Variants in NAP1L4 observed in about 807,000 individuals in gnomAD.
NAP1L4 encodes nucleosome assembly protein 1 like 4.
A neutral mutation model predicts 58.2 loss-of-function variants in NAP1L4; 15 were observed. The ratio of observed to expected loss-of-function variants is 0.26; its 90% CI spans 0.17 to 0.40. NAP1L4 has a LOEUF of 0.40. Among genes scored for constraint, NAP1L4 ranks in the 10% least tolerant of loss-of-function variants. The pLI is 1.00. For missense variants in NAP1L4, 384 were observed against 451.1 expected (o/e 0.85, Z 1.35); for synonymous variants, 171 against 155.6 (o/e 1.10, Z -0.74).
Position 2,951,374 on chromosome 11 carries a change from A to G in NAP1L4, c.1066-59T>C. 1 of 1,464,406 alleles carries G rather than the reference A, an allele frequency of 6.8e-7. No individual in the cohort carries two copies. Among genetic ancestry groups the G allele is most frequent in the African/African-American group, 1.4e-5 (1 of 72,018 alleles). The allele number at this position is 1,464,406 out of a possible 1,614,324, so 90.7% of individuals were successfully genotyped here. A position where few individuals can be genotyped will look rare whatever the true frequency, so the allele number is the denominator to read the frequency against. ...CAAGATTTAAACTCTTGTGGCATTC[A>G]CAATCCACAAACACAAGGAGCAAAA... On this transcript the variant is annotated intron_variant, in intron 13 of 15. Coordinates refer to ENST00000380542, the MANE Select transcript of NAP1L4 (RefSeq NM_005969.4). This position sits in a 1 kb window ranked among gnomAD's most constrained non-coding sequence, Gnocchi z 4.0.
chr11:2,972,368 T>C (rs1168688421), intron 4 of NAP1L4, 125 bp from the exon 5 acceptor site: 1 of 751,180 alleles, frequency 1.3e-6, no homozygotes, highest in Non-Finnish European at 1.9e-6. Flanking sequence ...ACAAGACCTC[T>C]TAAAAATTAA....
chr11:2,988,819 T>C (rs539934957), intron 1 of NAP1L4, among the ~76,000 whole-genome samples: 1 of 152,284 alleles, frequency 6.6e-6, no homozygotes, highest in Admixed American at 6.5e-5. Context: ...AATCAAAAAG[T>C]AAAGATCACA....
chr11:2,951,870 C>T lies in NAP1L4; in HGVS notation c.1036-61G>A, dbSNP rs574588834. On this transcript the variant is annotated intron_variant, in intron 12 of 15. Coordinates refer to ENST00000380542, the MANE Select transcript of NAP1L4 (RefSeq NM_005969.4). This position sits in a 1 kb window ranked among gnomAD's most constrained non-coding sequence, Gnocchi z 4.0. ...AAACATGACAGCAGCCTGCCCAAGA[C>T]ACCAGTCCCATCAAGTGACTCACTG... 1.3e-6 allele frequency: 2 copies of T among 1,517,228 alleles called. No homozygotes were observed. Among genetic ancestry groups the T allele is most frequent in the Non-Finnish European group, 1.8e-6 (2 of 1,094,316 alleles). 94.0% of individuals were successfully genotyped at this position (1,517,228 alleles called of 1,614,324 possible).
chr11:2,978,641 C>A (rs1848115055), intron 2 of NAP1L4, among the ~76,000 whole-genome samples: 1 of 152,192 alleles, frequency 6.6e-6, no homozygotes, highest in Non-Finnish European at 1.5e-5. Flanking sequence ...CTCAAAAAAT[C>A]TGCTCCCAGC....
At chr11:2,978,149 A>AT in intron 3 of NAP1L4, 135 bp downstream of exon 3, 1 of 763,996 alleles carries the variant, frequency 1.3e-6, no homozygotes. Flanking sequence ...TGAGATACTG[A>AT]TTTTTCATTT....
At chr11:2,991,586 C>CTGAG (rs1409434974) in intron 1 of NAP1L4, among the ~76,000 whole-genome samples, 3 of 152,160 alleles carry the variant, frequency 2.0e-5, no homozygotes, top group Non-Finnish European at 4.4e-5. Flanking sequence ...GCGCACGCCG[C>CTGAG]CCAGCTCGCT....
At chr11:2,979,863 T>C (rs530617696) in intron 1 of NAP1L4, among the ~76,000 whole-genome samples, 1 of 152,234 alleles carries the variant, frequency 6.6e-6, no homozygotes, top group Non-Finnish European at 1.5e-5. Context: ...CCTTATTTTT[T>C]ATAATACATT....
In NAP1L4 at chr11:2,961,223, T is replaced by G. The variant is rs190674252; in HGVS notation, c.607-1314A>C. On this transcript the variant is annotated intron_variant, in intron 8 of 15. Coordinates refer to ENST00000380542, the MANE Select transcript of NAP1L4 (RefSeq NM_005969.4). ...CAAAGGAGAAGTGAAAAAACAACTT[T>G]CAAAGAAAGGTGGAGGAGGAGGCGG... is the stretch of plus-strand genomic sequence containing the variant. 8.2e-4 allele frequency among the ~76,000 whole-genome samples: 125 copies of G among 152,176 alleles called. 3 individuals carry two copies. The highest frequency in any genetic ancestry group is 6.4e-3 in the Admixed American group (98 of 15,288).
At chr11:2,977,997 T>A (rs892983281) in intron 3 of NAP1L4, among the ~76,000 whole-genome samples, 5 of 152,040 alleles carry the variant, frequency 3.3e-5, no homozygotes, top group African/African-American at 1.2e-4. Flanking sequence ...CAAGGCTCCA[T>A]CTCAAAAATA....
Position 2,945,534 on chromosome 11 carries a change from G to A in NAP1L4, c.*145C>T. 2.3e-6 allele frequency: 3 copies of A among 1,311,004 alleles called. No individual in the cohort carries two copies. The highest frequency in any genetic ancestry group is 2.1e-6 in the Non-Finnish European group (2 of 948,092). 81.2% of individuals were successfully genotyped at this position (1,311,004 alleles called of 1,614,324 possible). The stretch of plus-strand genomic sequence containing the variant: ...TAAGCTCTGTCCACGGGATTGTGCT[G>A]CGGCAAGGACCGAGGCCCCGCCCAC... On this transcript the variant is annotated 3_prime_UTR_variant, in exon 16 of 16. Coordinates refer to ENST00000380542, the MANE Select transcript of NAP1L4 (RefSeq NM_005969.4).
At position 2,944,910 on chromosome 11, in the gene NAP1L4, C is replaced by G. The variant is rs1429063926; in HGVS notation, c.*769G>C. 1 of 152,212 alleles carries G rather than the reference C, an allele frequency of 6.6e-6. No individual in the cohort carries two copies. The highest frequency in any genetic ancestry group is 1.9e-4 in the East Asian group (1 of 5,194). The allele number at this position is 152,212 out of a possible 1,614,324, so 9.4% of individuals were successfully genotyped here. A position where few individuals can be genotyped will look rare whatever the true frequency, so the allele number is the denominator to read the frequency against. On this transcript the variant is annotated 3_prime_UTR_variant, in exon 16 of 16. Coordinates refer to ENST00000380542, the MANE Select transcript of NAP1L4 (RefSeq NM_005969.4). ...TGGCACATCTTCCTGCTCAGGGCAC[C>G]AAGGTGGTTCAGAAACGTTAAGGAC...
chr11:2,972,350 T>C lies in NAP1L4; in HGVS notation c.174-107A>G, dbSNP rs887921258. The C allele has an allele frequency of 9.0e-6, 9 of 995,404 alleles. No homozygotes were observed. The Admixed American group carries it at 3.1e-4, about 34-fold the overall frequency. The allele number at this position is 995,404 out of a possible 1,614,324, so 61.7% of individuals were successfully genotyped here. ...TAGGTTAACATGGAATCAACATCCT[T>C]ACTATGAACAAGACCTCTTAAAAAT... On this transcript the variant is annotated intron_variant, in intron 4 of 15. Coordinates refer to ENST00000380542, the MANE Select transcript of NAP1L4 (RefSeq NM_005969.4).
chr11:2,949,652 A>C lies in NAP1L4; in HGVS notation c.1123-388T>G, dbSNP rs1179806568. Among the ~76,000 whole-genome samples the C allele has an allele frequency of 2.0e-5, 3 of 152,110 alleles. No individual in the cohort carries two copies. Among genetic ancestry groups the C allele is most frequent in the Non-Finnish European group, 2.9e-5 (2 of 68,022 alleles). ...CATGTTTTTAGTCCCTTCTCCCCCA[A>C]CCAACATAACCGTTTATCAAAGGTT... On this transcript the variant is annotated intron_variant, in intron 14 of 15. Coordinates refer to ENST00000380542, the MANE Select transcript of NAP1L4 (RefSeq NM_005969.4). The surrounding 1 kb of genome is among the most constrained non-coding windows in gnomAD (Gnocchi z 4.0).
rs148175988 is a variant in NAP1L4, at chr11:2,968,483, T to C, written c.534+1320A>G. On this transcript the variant is annotated intron_variant, in intron 7 of 15. Coordinates refer to ENST00000380542, the MANE Select transcript of NAP1L4 (RefSeq NM_005969.4). ...AGATCAGGAAAAACCAAGGCTGTTC[T>C]ATTTTAGATGCTTTCTGGTCTGGAA... Among the ~76,000 whole-genome samples, 719 of 152,348 alleles carry C rather than the reference T, an allele frequency of 4.7e-3. 4 individuals carry two copies. Among genetic ancestry groups the C allele is most frequent in the African/African-American group, 0.017 (689 of 41,580 alleles).
intron 1 of NAP1L4, chr11:2,991,224 G>A (rs1023946183): frequency 9.1e-6 from 4 of 438,224 alleles, no homozygotes; most frequent in Middle Eastern, 3.4e-4. Flanking sequence ...AAACATGTCT[G>A]CCTCCTGCCC....
At chr11:2,952,254 A>G (rs1197413284) in intron 12 of NAP1L4, 2 of 173,518 alleles carry the variant, frequency 1.2e-5, no homozygotes, top group Non-Finnish European at 2.5e-5. Context: ...TACAAAGGGA[A>G]AAGAAACCTT....
intron 2 of NAP1L4, among the ~76,000 whole-genome samples, chr11:2,978,634 A>C (rs960892336): frequency 2.6e-5 from 4 of 152,156 alleles, no homozygotes; most frequent in African/African-American, 4.8e-5. Context: ...TTCTTTCCTC[A>C]AAAAATCTGC....
intron 9 of NAP1L4, 149 bp from the exon 10 acceptor site, chr11:2,958,693 C>A (rs552427222): frequency 1.3e-6 from 1 of 743,916 alleles, no homozygotes; most frequent in South Asian, 2.0e-5. Context: ...CCATGAAGTT[C>A]ATCTGGAGGT....
chr11:2,950,262 A>G (rs1173054835), intron 14 of NAP1L4, among the ~76,000 whole-genome samples: 1 of 152,262 alleles, frequency 6.6e-6, no homozygotes, highest in African/African-American at 2.4e-5. Context: ...CCATGAGCAG[A>G]TTATTCCCAG....
Sources: gnomAD v4.1 joint callset for allele counts (sites outside exome capture counted in the v4.1 genomes callset) on GRCh38, gnomAD v4.1.1 for gene constraint, Gnocchi (gnomAD v3.1) non-coding constraint, MANE v1.5 for transcripts, NCBI Gene and HGNC (gene_info 2026-07-23, HGNC 2026-07-21) for gene names.